KCNC2: variants seen among roughly 807,000 people sequenced by gnomAD.
KCNC2 encodes voltage-gated potassium channel KCNC2.
KCNC2 carries 21 observed loss-of-function variants against 44.5 expected under a neutral mutation model. The ratio of observed to expected loss-of-function variants is 0.47; its 90% CI spans 0.33 to 0.68. The LOEUF (loss-of-function observed/expected upper bound fraction) is 0.68, where lower values mean the gene tolerates loss of function less well. Ranked by LOEUF, KCNC2 falls within the 30% of genes least tolerant of loss-of-function variation. The probability of loss-of-function intolerance (pLI) is 0.01; values close to 1 mark genes in which losing one functional copy is unlikely to be tolerated. For missense variants in KCNC2, 589 were observed against 826.2 expected (o/e 0.71, Z 3.52); for synonymous variants, 391 against 339.1 (o/e 1.15, Z -1.68).
intron 2 of KCNC2, among the ~76,000 whole-genome samples, chr12:75,106,072 A>C (rs1886758095): frequency 6.6e-6 from 1 of 152,144 alleles, no homozygotes; most frequent in African/African-American, 2.4e-5. Context: ...CAAACAGAAG[A>C]TAAAGGGAAA....
At chr12:75,056,891 C>A (rs528405072) in intron 2 of KCNC2, among the ~76,000 whole-genome samples, 2 of 152,042 alleles carry the variant, frequency 1.3e-5, no homozygotes, top group South Asian at 4.1e-4. Context: ...AGAATGTAAT[C>A]TCATTTTTTC....
chr12:75,152,402 C>T (rs1447991033), intron 2 of KCNC2, among the ~76,000 whole-genome samples: 1 of 151,624 alleles, frequency 6.6e-6, no homozygotes, highest in Non-Finnish European at 1.5e-5. Context: ...AGAATGGTTC[C>T]CTTGGTTTAC....
intron 2 of KCNC2, among the ~76,000 whole-genome samples, chr12:75,073,327 T>C (rs758614452): frequency 2.0e-5 from 3 of 152,160 alleles, no homozygotes; most frequent in Non-Finnish European, 2.9e-5. Flanking sequence ...GAACTTTTGA[T>C]TGTTAAGTGG....
intron 1 of KCNC2, 22 bp from the exon 2 acceptor site, chr12:75,208,024 G>T (rs755759018): frequency 1.2e-6 from 2 of 1,607,946 alleles, no homozygotes; most frequent in East Asian, 2.3e-5. Context: ...CAAACACAGC[G>T]CCGAGTTAAA....
At chr12:75,197,780 A>G (rs1047232634) in intron 2 of KCNC2, among the ~76,000 whole-genome samples, 4 of 152,120 alleles carry the variant, frequency 2.6e-5, no homozygotes, top group Middle Eastern at 3.4e-3. Flanking sequence ...CAGTGTGGAC[A>G]AAGTAGAGGA....
Position 75,142,947 on chromosome 12 carries a change from G to T in KCNC2, c.687+64350C>A, listed in dbSNP as rs537896047. Reference sequence around the variant, plus strand: ...AAAGTGATAAAGTATTTATTCCCTCGCACTCCTTTTACTTTAAAAGTTTCA... The same window carrying T: ...AAAGTGATAAAGTATTTATTCCCTCTCACTCCTTTTACTTTAAAAGTTTCA... On this transcript the variant is annotated intron_variant, in intron 2 of 4. Coordinates refer to ENST00000549446, the MANE Select transcript of KCNC2 (RefSeq NM_139137.4). Among the ~76,000 whole-genome samples, 4 of 152,156 alleles carry T rather than the reference G, an allele frequency of 2.6e-5. No homozygotes were observed. The East Asian group carries it at 7.7e-4, about 29-fold the overall frequency.
At chr12:75,206,579 G>A (rs752958994) in intron 2 of KCNC2, among the ~76,000 whole-genome samples, 1 of 152,190 alleles carries the variant, frequency 6.6e-6, no homozygotes, top group Non-Finnish European at 1.5e-5. Context: ...AGTGGTTAAT[G>A]TATGTTCAAC....
intron 2 of KCNC2, among the ~76,000 whole-genome samples, chr12:75,134,370 G>T (rs1889077929): frequency 6.6e-6 from 1 of 151,920 alleles, no homozygotes; most frequent in Non-Finnish European, 1.5e-5. Flanking sequence ...TAATACATAT[G>T]TGCATGCTTC....
At chr12:75,195,058 C>A (rs761393723) in intron 2 of KCNC2, among the ~76,000 whole-genome samples, 1 of 152,072 alleles carries the variant, frequency 6.6e-6, no homozygotes, top group African/African-American at 2.4e-5. Context: ...TTCATTTAAT[C>A]CTAGTTCAAT....
At chr12:75,141,215 C>T (rs962471745) in intron 2 of KCNC2, among the ~76,000 whole-genome samples, 3 of 152,202 alleles carry the variant, frequency 2.0e-5, no homozygotes, top group African/African-American at 7.2e-5. Context: ...CCTTCAACCA[C>T]TTTCACTGCA....
chr12:75,176,856 C>T (rs1404348535), intron 2 of KCNC2, among the ~76,000 whole-genome samples: 1 of 151,794 alleles, frequency 6.6e-6, no homozygotes, highest in Non-Finnish European at 1.5e-5. Context: ...AAAAAGAGAG[C>T]ATATGTGTAT....
intron 2 of KCNC2, among the ~76,000 whole-genome samples, chr12:75,205,817 C>T (rs992213791): frequency 2.2e-5 from 3 of 138,144 alleles, no homozygotes; most frequent in Non-Finnish European, 4.6e-5. Flanking sequence ...TATGCACTTG[C>T]GGTTTTGTTT....
intron 2 of KCNC2, among the ~76,000 whole-genome samples, chr12:75,080,573 C>T (rs1565836814): frequency 6.6e-6 from 1 of 152,002 alleles, no homozygotes; most frequent in South Asian, 2.1e-4. Flanking sequence ...GTCTCTGTAG[C>T]GAAAAGGCTG....
At chr12:75,201,255 G>A (rs1016283207) in intron 2 of KCNC2, among the ~76,000 whole-genome samples, 45 of 28,028 alleles carry the variant, frequency 1.6e-3, no homozygotes, top group Non-Finnish European at 2.7e-3. Context: ...AGTTACAAAC[G>A]AAATTGGAAA....
intron 2 of KCNC2, among the ~76,000 whole-genome samples, chr12:75,168,878 T>TA (rs1006507606): frequency 7.9e-5 from 12 of 151,518 alleles, no homozygotes; most frequent in African/African-American, 2.9e-4. Context: ...ACTTGAACTT[T>TA]AAAGACTCTC....
intron 2 of KCNC2, among the ~76,000 whole-genome samples, chr12:75,140,449 A>G (rs936926556): frequency 6.6e-6 from 1 of 152,246 alleles, no homozygotes; most frequent in Non-Finnish European, 1.5e-5. Flanking sequence ...AAGTAATTTA[A>G]TAGTAAAAGT....
intron 2 of KCNC2, among the ~76,000 whole-genome samples, chr12:75,069,589 T>C (rs1883196463): frequency 6.6e-6 from 1 of 152,156 alleles, no homozygotes; most frequent in Non-Finnish European, 1.5e-5. Context: ...TATAGAGATC[T>C]TACTCCAGTT....
At chr12:75,158,646 G>C (rs1313928924) in intron 2 of KCNC2, among the ~76,000 whole-genome samples, 2 of 151,806 alleles carry the variant, frequency 1.3e-5, no homozygotes, top group Admixed American at 6.6e-5. Flanking sequence ...TCTTGTGAAA[G>C]GAGGAAACCA....
At chr12:75,116,799 C>T (rs2137266166) in intron 2 of KCNC2, among the ~76,000 whole-genome samples, 1 of 152,232 alleles carries the variant, frequency 6.6e-6, no homozygotes, top group Admixed American at 6.5e-5. Flanking sequence ...TGCTGACCCT[C>T]CTCCCCCGGG....
Sources: allele counts gnomAD v4.1 joint callset (sites outside exome capture counted in the v4.1 genomes callset), GRCh38; gene constraint gnomAD v4.1.1; transcripts MANE v1.5; gene names NCBI Gene and HGNC (gene_info 2026-07-23, HGNC 2026-07-21).